The following SEMA4D variants were observed in gnomAD, a reference collection of about 807,000 sequenced individuals.
SEMA4D encodes the protein semaphorin 4D.
SEMA4D carries 22 observed loss-of-function variants against 74.8 expected under a neutral mutation model. The ratio of observed to expected loss-of-function variants is 0.29; its 90% CI spans 0.21 to 0.42. The LOEUF (loss-of-function observed/expected upper bound fraction) is 0.42. SEMA4D is among the 10% of genes least tolerant of loss of function. SEMA4D has a pLI of 1.00. For synonymous variants in SEMA4D, 445 were observed against 463.7 expected (o/e 0.96, Z 0.52); for missense variants, 937 against 1,118.4 (o/e 0.84, Z 2.31).
chr9:89,370,769 TGTG>T lies in SEMA4D; in HGVS notation c.1882+6061_1882+6063del, dbSNP rs901962936. On this transcript the variant is annotated intron_variant, in intron 16 of 18. Transcript: ENST00000339861. ...TGGGGTGTGGTTGTGAGGGGTGTGA[TGTG>T]TGTGTGGGGTGGGGTGTATGTGTGG... Among the ~76,000 whole-genome samples the T allele has an allele frequency of 3.2e-4, 39 of 121,912 alleles. No individual in the cohort carries two copies. The East Asian group carries it at 6.9e-3, about 22-fold the overall frequency. The allele number at this position is 121,912 out of a possible 152,430, so 80.0% of individuals were successfully genotyped here.
chr9:89,449,523 A>AG, intron 2 of SEMA4D: 1 of 757,078 alleles, frequency 1.3e-6, no homozygotes, highest in Admixed American at 1.7e-5. Flanking sequence ...GGGGCGGCTC[A>AG]GGGGAAACGA....
At chr9:89,417,999 T>C (rs557339921) in intron 2 of SEMA4D, 106 of 761,262 alleles carry the variant, frequency 1.4e-4, no homozygotes, top group Admixed American at 6.9e-4. Flanking sequence ...CTGAGGCCTC[T>C]ACACATTATC....
intron 5 of SEMA4D, among the ~76,000 whole-genome samples, chr9:89,399,018 C>T (rs1037764296): frequency 2.0e-5 from 3 of 152,184 alleles, no homozygotes; most frequent in Non-Finnish European, 4.4e-5. Flanking sequence ...CATCTGAATA[C>T]ATTCAATTCA....
At chr9:89,414,520 A>G (rs1434641808) in intron 2 of SEMA4D, among the ~76,000 whole-genome samples, 1 of 152,170 alleles carries the variant, frequency 6.6e-6, no homozygotes, top group African/African-American at 2.4e-5. Context: ...CTGGCCACCT[A>G]GTATCCCCAC....
In SEMA4D at chr9:89,379,105, A is replaced by C; in HGVS notation, c.2188T>G (p.Ser730Ala). ...LHSEKTMYLK[S>A]SDNRLLMSLF... ...GACATGAGGAGGCGGTTGTCGCTGGACTTAAGATACATGGTTTTCTCCGAG... is the reference window on the plus strand; with the variant it reads ...GACATGAGGAGGCGGTTGTCGCTGGCCTTAAGATACATGGTTTTCTCCGAG... The change falls in exon 16 of 16, where the codon TCC becomes GCC. Residue 730 changes from serine to alanine, a missense_variant. Coordinates refer to ENST00000422704, the MANE Select transcript of SEMA4D (RefSeq NM_001371194.2). The C allele has an allele frequency of 6.2e-7, 1 of 1,614,206 alleles. No individual in the cohort carries two copies. Among genetic ancestry groups the C allele is most frequent in the Non-Finnish European group, 8.5e-7 (1 of 1,180,044 alleles).
At chr9:89,485,788 C>CAAAAAAAAAAAAAAAAAAAAAAAA (rs56056536) in intron 1 of SEMA4D, among the ~76,000 whole-genome samples, 2 of 76,840 alleles carry the variant, frequency 2.6e-5, no homozygotes, top group Non-Finnish European at 4.9e-5. Flanking sequence ...AACTCCATCT[C>CAAAAAAAAAAAAAAAAAAAAAAAA]AAAAAAAAAA....
At chr9:89,416,274 G>C (rs150863117) in intron 2 of SEMA4D, among the ~76,000 whole-genome samples, 3 of 152,234 alleles carry the variant, frequency 2.0e-5, no homozygotes, top group African/African-American at 7.2e-5. Flanking sequence ...CTACAGGCGT[G>C]CAAAGCGACA....
chr9:89,363,276 A>AG (rs989768481), intron 18 of SEMA4D, among the ~76,000 whole-genome samples: 2 of 149,442 alleles, frequency 1.3e-5, no homozygotes, highest in Non-Finnish European at 3.0e-5. Context: ...TTCCCCCCCC[A>AG]GTGTTGCAGA....
At chr9:89,407,612 C>A (rs770568385) in intron 2 of SEMA4D, among the ~76,000 whole-genome samples, 1 of 152,204 alleles carries the variant, frequency 6.6e-6, no homozygotes, top group Non-Finnish European at 1.5e-5. Flanking sequence ...AAATCCAGAT[C>A]ATATCCTTTC....
intron 1 of SEMA4D, among the ~76,000 whole-genome samples, chr9:89,488,169 C>A (rs559604158): frequency 6.6e-6 from 1 of 152,212 alleles, no homozygotes; most frequent in South Asian, 2.1e-4. Context: ...CAAAGGCACA[C>A]AGATATGGTC....
At chr9:89,451,553 G>A (rs9410485) in intron 2 of SEMA4D, among the ~76,000 whole-genome samples, 1 of 152,296 alleles carries the variant, frequency 6.6e-6, no homozygotes, top group East Asian at 1.9e-4. Context: ...AAAGAAAAAC[G>A]AAGAACCAGA....
downstream of SEMA4D, among the ~76,000 whole-genome samples, chr9:89,375,575 A>G (rs960384026): frequency 6.6e-6 from 1 of 152,222 alleles, no homozygotes; most frequent in Non-Finnish European, 1.5e-5. Flanking sequence ...ATGTTTAAAA[A>G]GAGAGCAATT....
intron 8 of SEMA4D, among the ~76,000 whole-genome samples, chr9:89,391,668 C>T (rs1162391192): frequency 3.3e-5 from 5 of 152,276 alleles, no homozygotes; most frequent in Non-Finnish European, 7.3e-5. Context: ...TTCTGCAGTG[C>T]ATCCCACCCA....
chr9:89,444,044 T>G (rs980628421), intron 2 of SEMA4D, among the ~76,000 whole-genome samples: 3 of 152,214 alleles, frequency 2.0e-5, no homozygotes, highest in African/African-American at 7.2e-5. Flanking sequence ...ATCCAAGCAG[T>G]GGGTGGGTCC....
chr9:89,446,186 C>A (rs1216780736), intron 2 of SEMA4D, among the ~76,000 whole-genome samples: 1 of 152,202 alleles, frequency 6.6e-6, no homozygotes, highest in Admixed American at 6.5e-5. Context: ...CCCACACCCA[C>A]CACTACTCTA....
intron 2 of SEMA4D, among the ~76,000 whole-genome samples, chr9:89,440,110 C>T (rs1315959385): frequency 6.6e-6 from 1 of 152,164 alleles, no homozygotes; most frequent in East Asian, 1.9e-4. Context: ...CTGGTGTCCT[C>T]CCTGTGAGCC....
At chr9:89,403,151 T>A in intron 3 of SEMA4D, 135 bp from the exon 4 acceptor site, 2 of 1,031,196 alleles carry the variant, frequency 1.9e-6, no homozygotes, top group Non-Finnish European at 1.4e-6. Context: ...TCGAGGGCCA[T>A]GTGTTGCTGC....
At chr9:89,481,155 A>C in intron 1 of SEMA4D, among the ~76,000 whole-genome samples, 1 of 152,216 alleles carries the variant, frequency 6.6e-6, no homozygotes, top group East Asian at 1.9e-4. Context: ...GCAGCCAGAG[A>C]CAGAAACTGT....
chr9:89,408,329 C>A (rs1392634401), intron 2 of SEMA4D, among the ~76,000 whole-genome samples: 1 of 152,206 alleles, frequency 6.6e-6, no homozygotes, highest in African/African-American at 2.4e-5. Context: ...CTGGCACCCA[C>A]AAACATCCCA....
Sources: allele counts gnomAD v4.1 joint callset (sites outside exome capture counted in the v4.1 genomes callset), GRCh38; gene constraint gnomAD v4.1.1; transcripts MANE v1.5; gene names NCBI Gene and HGNC (gene_info 2026-07-23, HGNC 2026-07-21).